The following ZNF138 variants were observed in gnomAD, a reference collection of about 807,000 sequenced individuals.
ZNF138 encodes the protein zinc finger protein 138 (clone pHZ-32).
ZNF138 carries 33 observed loss-of-function variants against 33.0 expected under a neutral mutation model. The ratio of observed to expected loss-of-function variants is 1.00; its 90% confidence interval spans 0.76 to 1.34. The LOEUF is 1.34. ZNF138 is among the 40% of genes most tolerant of loss of function. The pLI is 0.00. For missense variants in ZNF138, 360 were observed against 370.8 expected, an observed-to-expected ratio of 0.97 and a Z score of 0.24; for synonymous variants, 139 against 120.4, an observed-to-expected ratio of 1.15 and a Z score of -1.01.
the ZNF138 span, among the ~76,000 whole-genome samples, chr7:64,841,349 G>A: frequency 6.6e-6 from 1 of 151,900 alleles, no homozygotes; most frequent in Non-Finnish European, 1.5e-5. Flanking sequence ...ATTTATTGAG[G>A]CAATTTGTTC....
rs750310705 is a variant in ZNF138, at chr7:64,832,050, A to C, written c.808A>C (p.Lys270Gln). The change falls in exon 4 of 4, where the codon AAG becomes CAG. Residue 270 changes from lysine to glutamine, a missense_variant. Lys to Gln is a moderately conservative substitution (Grantham distance 53). Coordinates refer to ENST00000307355, the MANE Select transcript of ZNF138 (RefSeq NM_001271639.2). ...FKQSSHLTRH[K>Q]IIHTEEKPYK... ...ACAGTCCTCACACCTTACTAGACAT[A>C]AGATAATTCATACTGAAGAGAAACC... 6.2e-7 allele frequency: 1 copy of C among 1,613,946 alleles called. No homozygotes were observed. The highest frequency in any genetic ancestry group is 8.5e-7 in the Non-Finnish European group (1 of 1,179,898).
chr7:64,834,549 T>C (rs1790307445), downstream of ZNF138, among the ~76,000 whole-genome samples: 1 of 152,242 alleles, frequency 6.6e-6, no homozygotes, highest in African/African-American at 2.4e-5. Context: ...AAGTGAATAA[T>C]GTAATTCAAC....
chr7:64,808,163 C>A (rs1014174038), intron 1 of ZNF138, among the ~76,000 whole-genome samples: 1 of 152,142 alleles, frequency 6.6e-6, no homozygotes, highest in Non-Finnish European at 1.5e-5. Context: ...GTCAGGCTGA[C>A]AAGAGTGGTT....
intron 1 of ZNF138, among the ~76,000 whole-genome samples, chr7:64,811,448 T>G (rs530068603): frequency 2.0e-5 from 3 of 152,298 alleles, no homozygotes; most frequent in African/African-American, 7.2e-5. Context: ...TAAGTTCAAG[T>G]GATTCTCCTA....
At chr7:64,805,422 ACTGAGGC>A (rs1449599597) in intron 1 of ZNF138, among the ~76,000 whole-genome samples, 9,389 of 151,488 alleles carry the variant, frequency 0.062, 924 homozygotes, top group African/African-American at 0.21. Context: ...AAAAAAAAAA[ACTGAGGC>A]TGAAACAGTG....
chr7:64,853,998 C>A, the ZNF138 span, among the ~76,000 whole-genome samples: 1 of 148,812 alleles, frequency 6.7e-6, no homozygotes, highest in Non-Finnish European at 1.5e-5. Flanking sequence ...AAGGCTCTGT[C>A]TCAAAAAAAC....
At chr7:64,852,662 A>G in the ZNF138 span, 14 of 1,385,342 alleles carry the variant, frequency 1.0e-5, no homozygotes, top group African/African-American at 1.1e-4. Flanking sequence ...GGCCAGCTCT[A>G]CATCTTCTTG....
chr7:64,796,957 G>A (rs1786738180), intron 1 of ZNF138, among the ~76,000 whole-genome samples: 1 of 152,050 alleles, frequency 6.6e-6, no homozygotes, highest in African/African-American at 2.4e-5. Context: ...GGCTGAGGTG[G>A]GAGAATCATT....
At chr7:64,813,494 C>T (rs1471729446) in intron 1 of ZNF138, among the ~76,000 whole-genome samples, 1 of 148,282 alleles carries the variant, frequency 6.7e-6, no homozygotes, top group South Asian at 2.1e-4. Context: ...AGTGCAGTGG[C>T]GGGATCTCCG....
intron 3 of ZNF138, among the ~76,000 whole-genome samples, chr7:64,829,057 A>G (rs1271711436): frequency 1.3e-5 from 2 of 152,106 alleles, no homozygotes; most frequent in African/African-American, 4.8e-5. Flanking sequence ...CATGTTTGTC[A>G]TAGAAAGTGA....
the ZNF138 span, among the ~76,000 whole-genome samples, chr7:64,859,558 T>C: frequency 6.6e-6 from 1 of 152,184 alleles, no homozygotes; most frequent in Non-Finnish European, 1.5e-5. Flanking sequence ...TATCAGAGAA[T>C]TTTTCAAATA....
chr7:64,795,334 C>T (rs554429312), intron 1 of ZNF138, among the ~76,000 whole-genome samples: 8 of 152,226 alleles, frequency 5.3e-5, no homozygotes, highest in African/African-American at 1.4e-4. Context: ...TTTCACACTC[C>T]ACAGGGGACA....
At chr7:64,820,313 G>C (rs1173124407) in intron 3 of ZNF138, among the ~76,000 whole-genome samples, 1 of 151,502 alleles carries the variant, frequency 6.6e-6, no homozygotes, top group African/African-American at 2.4e-5. Context: ...TTTGTTACTG[G>C]ATTATTTCAG....
chr7:64,805,904 A>G (rs544563558), intron 1 of ZNF138, among the ~76,000 whole-genome samples: 1 of 152,342 alleles, frequency 6.6e-6, no homozygotes, highest in African/African-American at 2.4e-5. Context: ...GATGAACTAC[A>G]TATGACATGG....
chr7:64,815,250 G>A (rs1215213975), intron 2 of ZNF138, among the ~76,000 whole-genome samples: 1 of 152,016 alleles, frequency 6.6e-6, no homozygotes, highest in African/African-American at 2.4e-5. Flanking sequence ...ACATTTCTGA[G>A]CTGATATGTA....
At chr7:64,817,249 T>G (rs1331569540) in intron 3 of ZNF138, among the ~76,000 whole-genome samples, 2 of 151,848 alleles carry the variant, frequency 1.3e-5, no homozygotes, top group Admixed American at 6.6e-5. Context: ...TGCATGGCGG[T>G]AAATGCGTGT....
At chr7:64,847,332 A>ATATATTT in the ZNF138 span, among the ~76,000 whole-genome samples, 269 of 128,108 alleles carry the variant, frequency 2.1e-3, no homozygotes, top group African/African-American at 3.9e-3. Flanking sequence ...ATATATATAT[A>ATATATTT]TTTTTTTTTT....
chr7:64,820,406 T>C (rs1789032582), intron 3 of ZNF138, among the ~76,000 whole-genome samples: 1 of 151,732 alleles, frequency 6.6e-6, no homozygotes, highest in South Asian at 2.1e-4. Context: ...TTTGTGTATA[T>C]GTTACATTTT....
chr7:64,831,199 T>C, intron 3 of ZNF138: 1 of 1,331,830 alleles, frequency 7.5e-7, no homozygotes, highest in Non-Finnish European at 1.0e-6. Context: ...AACAGACTTT[T>C]CTCTCTCTTC....
Sources: gnomAD v4.1 joint callset for allele counts (sites outside exome capture counted in the v4.1 genomes callset) on GRCh38, gnomAD v4.1.1 for gene constraint, MANE v1.5 for transcripts, NCBI Gene and HGNC (gene_info 2026-07-23, HGNC 2026-07-21) for gene names.